LUZP2: variants seen among roughly 807,000 people sequenced by gnomAD.
LUZP2 encodes the protein leucine zipper protein 2.
LUZP2 carries 52 observed loss-of-function variants against 51.6 expected under a neutral mutation model. That is an observed-to-expected ratio of 1.01 (90% CI 0.81 to 1.27). The LOEUF is 1.27. Ranked by LOEUF, LUZP2 falls within the 50% of genes most tolerant of loss-of-function variation. LUZP2 has a pLI of 0.00. For synonymous variants in LUZP2, 154 were observed against 137.3 expected (o/e 1.12, Z -0.85); for missense variants, 436 against 395.4 (o/e 1.10, Z -0.87).
At chr11:25,002,414 G>T (rs898692821) in intron 9 of LUZP2, among the ~76,000 whole-genome samples, 5 of 152,170 alleles carry the variant, frequency 3.3e-5, no homozygotes, top group African/African-American at 4.8e-5. Context: ...GAGAAAAGTG[G>T]CAGGGTTGAG....
intron 1 of LUZP2, among the ~76,000 whole-genome samples, chr11:24,590,380 T>A (rs1342328355): frequency 6.6e-6 from 1 of 152,136 alleles, no homozygotes; most frequent in Non-Finnish European, 1.5e-5. Context: ...GGTAGTTAGT[T>A]TATCTATTAC....
intron 4 of LUZP2, among the ~76,000 whole-genome samples, chr11:24,755,267 G>A (rs1395681703): frequency 3.3e-5 from 5 of 152,052 alleles, no homozygotes; most frequent in South Asian, 2.1e-4. Context: ...CAATTTCTTC[G>A]CACTTCGCAT....
chr11:25,001,441 T>G (rs2133943261), intron 9 of LUZP2, among the ~76,000 whole-genome samples: 1 of 152,302 alleles, frequency 6.6e-6, no homozygotes, highest in South Asian at 2.1e-4. Context: ...CAGACCTTTG[T>G]ATGGTAATTA....
intron 1 of LUZP2, among the ~76,000 whole-genome samples, chr11:24,504,877 C>G (rs997675127): frequency 1.3e-5 from 2 of 152,104 alleles, no homozygotes; most frequent in African/African-American, 4.8e-5. Flanking sequence ...AAACATTACC[C>G]ATTTCTGTGA....
intron 9 of LUZP2, among the ~76,000 whole-genome samples, chr11:25,013,195 G>C (rs1857031579): frequency 6.6e-6 from 1 of 152,102 alleles, no homozygotes; most frequent in Non-Finnish European, 1.5e-5. Context: ...GTAGAGCGTG[G>C]ACAGATAAAC....
intron 5 of LUZP2, among the ~76,000 whole-genome samples, chr11:24,904,511 C>T (rs897441418): frequency 1.2e-4 from 18 of 152,058 alleles, no homozygotes; most frequent in African/African-American, 4.3e-4. Context: ...TCTTGATCTC[C>T]TGACCTCGTG....
intron 8 of LUZP2, among the ~76,000 whole-genome samples, chr11:24,977,327 A>G (rs1177198108): frequency 6.6e-6 from 1 of 151,706 alleles, no homozygotes; most frequent in Non-Finnish European, 1.5e-5. Context: ...GCAGAATTAT[A>G]TGTATAATAT....
chr11:24,714,476 A>G (rs1384054251), intron 1 of LUZP2, among the ~76,000 whole-genome samples: 1 of 152,130 alleles, frequency 6.6e-6, no homozygotes. Flanking sequence ...GCCAAGAACA[A>G]AGATTTGGCA....
intron 7 of LUZP2, among the ~76,000 whole-genome samples, chr11:24,964,317 G>A (rs1417303503): frequency 6.6e-6 from 1 of 152,108 alleles, no homozygotes; most frequent in African/African-American, 2.4e-5. Context: ...AGAAAAAGAG[G>A]CTGAGAAAAT....
At chr11:24,851,208 A>G (rs1590638015) in intron 5 of LUZP2, among the ~76,000 whole-genome samples, 1 of 152,142 alleles carries the variant, frequency 6.6e-6, no homozygotes, top group African/African-American at 2.4e-5. Flanking sequence ...AAAGGGAATG[A>G]TTCCAGCTTT....
intron 1 of LUZP2, among the ~76,000 whole-genome samples, chr11:24,691,710 G>T: frequency 6.6e-6 from 1 of 152,086 alleles, no homozygotes; most frequent in East Asian, 1.9e-4. Context: ...CTGGTGGAAG[G>T]AGACTTAACA....
At position 24,882,135 on chromosome 11, in the gene LUZP2, A is replaced by T. The variant is rs1425748341; in HGVS notation, c.397-23856A>T. Among the ~76,000 whole-genome samples the T allele has an allele frequency of 2.6e-5, 4 of 152,064 alleles. 1 individual carries two copies. The East Asian group carries it at 7.7e-4, about 29-fold the overall frequency. The stretch of plus-strand genomic sequence containing the variant: ...ATATTTTTATTAATACCACCTCTGT[A>T]TTCAGTCATAGTGATATCACTTCTC... On this transcript the variant is annotated intron_variant, in intron 5 of 11. Coordinates refer to ENST00000336930, the MANE Select transcript of LUZP2 (RefSeq NM_001009909.4).
chr11:24,918,672 A>G (rs1388163655), intron 7 of LUZP2, among the ~76,000 whole-genome samples: 1 of 151,626 alleles, frequency 6.6e-6, no homozygotes, highest in Non-Finnish European at 1.5e-5. Flanking sequence ...TTATCATTGA[A>G]GAAAAATTTC....
intron 1 of LUZP2, among the ~76,000 whole-genome samples, chr11:24,689,044 A>C (rs1856983717): frequency 6.6e-6 from 1 of 152,152 alleles, no homozygotes; most frequent in Non-Finnish European, 1.5e-5. Flanking sequence ...GGTATAAGGC[A>C]GAGGGAGAGA....
At chr11:24,685,724 A>G (rs1279264089) in intron 1 of LUZP2, among the ~76,000 whole-genome samples, 1 of 152,210 alleles carries the variant, frequency 6.6e-6, no homozygotes, top group Non-Finnish European at 1.5e-5. Flanking sequence ...CCCATGAAAT[A>G]TCATAAACTA....
rs35901522 is a variant in LUZP2, at chr11:24,913,669, T to TTGTGTG, written c.460-785_460-780dup. On this transcript the variant is annotated intron_variant, in intron 6 of 11. Transcript: ENST00000336930. ...CATGTGATCATGCTAATCTATTTAT[T>TTGTGTG]TGTGTGTGTGTGTGTGTGTGTGTGT... Among the ~76,000 whole-genome samples the TTGTGTG allele has an allele frequency of 8.9e-4, 132 of 148,550 alleles. 2 individuals are homozygous for TTGTGTG. In the South Asian group the frequency reaches 0.011, roughly 12 times the overall value.
At chr11:24,908,607 G>C (rs2133792136) in intron 6 of LUZP2, among the ~76,000 whole-genome samples, 2 of 152,128 alleles carry the variant, frequency 1.3e-5, no homozygotes, top group Middle Eastern at 3.4e-3. Context: ...TTGCTAACAA[G>C]TTAAATAAAA....
chr11:24,798,000 G>A (rs901873683), intron 5 of LUZP2, among the ~76,000 whole-genome samples: 1 of 151,984 alleles, frequency 6.6e-6, no homozygotes, highest in Non-Finnish European at 1.5e-5. Flanking sequence ...CTGAGAACAG[G>A]ACAAATTTTC....
intron 8 of LUZP2, among the ~76,000 whole-genome samples, chr11:24,980,235 G>A (rs1855988112): frequency 6.6e-6 from 1 of 151,500 alleles, no homozygotes; most frequent in Non-Finnish European, 1.5e-5. Flanking sequence ...TAGATATTAG[G>A]GGCACAGTTG....
Sources: allele counts gnomAD v4.1 joint callset (sites outside exome capture counted in the v4.1 genomes callset), GRCh38; gene constraint gnomAD v4.1.1; transcripts MANE v1.5; gene names NCBI Gene and HGNC (gene_info 2026-07-23, HGNC 2026-07-21).